Variants in CADPS observed in about 807,000 individuals in gnomAD.
CADPS encodes calcium dependent secretion activator.
A neutral mutation model predicts 167.3 loss-of-function variants in CADPS; 57 were observed. The ratio of observed to expected loss-of-function variants is 0.34; its 90% CI spans 0.28 to 0.42. The LOEUF (loss-of-function observed/expected upper bound fraction) is 0.42. Ranked by LOEUF, CADPS falls within the 20% of genes least tolerant of loss-of-function variation. The probability of loss-of-function intolerance (pLI) is 1.00; values close to 1 mark genes in which losing one functional copy is unlikely to be tolerated. For synonymous variants in CADPS, 676 were observed against 635.3 expected, an observed-to-expected ratio of 1.06 and a Z score of -0.96; for missense variants, 1,414 against 1,738.1, an observed-to-expected ratio of 0.81 and a Z score of 3.32.
rs1553808893 is a variant in CADPS, at chr3:62,874,806, G to C, written c.224C>G (p.Ala75Gly). 1 of 1,160,044 alleles carries C rather than the reference G, an allele frequency of 8.6e-7. No homozygotes were observed. The highest frequency in any genetic ancestry group is 1.1e-6 in the Non-Finnish European group (1 of 915,768). The allele number at this position is 1,160,044 out of a possible 1,614,324, so 71.9% of individuals were successfully genotyped here. Reference sequence around the variant, plus strand: ...GCGGCTGCTGGGTTGCAGCCCCCCGGCCCCGCCGCCGCTGCTCGCGCCGCT... The same window carrying C: ...GCGGCTGCTGGGTTGCAGCCCCCCGCCCCCGCCGCCGCTGCTCGCGCCGCT... ...GGSGASSGGG[A>G]GGLQPSSRAG... Residue 75 changes from alanine (A) to glycine (G), a missense_variant, in exon 1 of 30, where the codon GCC becomes GGC. Physicochemically the swap from Ala to Gly is moderately conservative, Grantham distance 60 (BLOSUM62 0). This residue lies in a region of CADPS where 522 missense variants were observed against 559.5 expected (regional missense o/e 0.93). Coordinates refer to ENST00000383710, the MANE Select transcript of CADPS (RefSeq NM_003716.4). This position sits in a 1 kb window ranked among gnomAD's most constrained non-coding sequence, Gnocchi z 7.1.
intron 3 of CADPS, among the ~76,000 whole-genome samples, chr3:62,719,648 T>C (rs565503027): frequency 1.3e-5 from 2 of 152,248 alleles, no homozygotes. Context: ...AATTGGGTAA[T>C]CTGCAAATAA....
In CADPS at chr3:62,412,161, T is replaced by TTC. The variant is rs1331414840; in HGVS notation, c.3778-8977_3778-8976insGA. ...TGAGGGTAGGATTTTTTTTTTTTTT[T>TTC]TTTAACGTCCGTAATTCTTTGGATA... On this transcript the variant is annotated intron_variant, in intron 28 of 29. Coordinates refer to ENST00000383710, the MANE Select transcript of CADPS (RefSeq NM_003716.4). This position sits in a 1 kb window ranked among gnomAD's most constrained non-coding sequence, Gnocchi z 4.1. Among the ~76,000 whole-genome samples, 2 of 151,662 alleles carry TTC rather than the reference T, an allele frequency of 1.3e-5. No homozygotes were observed. The highest frequency in any genetic ancestry group is 2.9e-5 in the Non-Finnish European group (2 of 67,908).
intron 28 of CADPS, among the ~76,000 whole-genome samples, chr3:62,415,272 C>A (rs1017893495): frequency 6.6e-6 from 1 of 152,084 alleles, no homozygotes; most frequent in East Asian, 1.9e-4. Flanking sequence ...CTCGGTTGCT[C>A]GGTGGCTGGG....
chr3:62,688,020 T>A (rs557408574), intron 3 of CADPS, among the ~76,000 whole-genome samples: 2 of 152,118 alleles, frequency 1.3e-5, no homozygotes, highest in Non-Finnish European at 2.9e-5. Context: ...TGTGCTTTGC[T>A]AGGTGCTCAA....
intron 1 of CADPS, among the ~76,000 whole-genome samples, chr3:62,843,496 T>G (rs2076934256): frequency 8.0e-6 from 1 of 125,620 alleles, no homozygotes; most frequent in Non-Finnish European, 1.7e-5. Context: ...AGTTGGGGTG[T>G]GTGTGTGTGT....
chr3:62,860,415 T>C (rs1419122144), intron 1 of CADPS, among the ~76,000 whole-genome samples: 1 of 152,134 alleles, frequency 6.6e-6, no homozygotes, highest in African/African-American at 2.4e-5. Flanking sequence ...CTGCAGGAGA[T>C]TGGTTCTAGG....
chr3:62,532,663 C>A (rs2073938590), intron 13 of CADPS, among the ~76,000 whole-genome samples: 1 of 151,966 alleles, frequency 6.6e-6, no homozygotes, highest in African/African-American at 2.4e-5. Flanking sequence ...GCCCTAGAAG[C>A]CCTGCTTGCC....
intron 6 of CADPS, among the ~76,000 whole-genome samples, chr3:62,628,854 T>A (rs2064679740): frequency 1.3e-5 from 2 of 152,168 alleles, no homozygotes; most frequent in South Asian, 4.1e-4. Context: ...CTTGATCTCT[T>A]GACCTCGTGA....
chr3:62,487,761 C>T (rs974556765), intron 21 of CADPS, among the ~76,000 whole-genome samples: 4 of 152,078 alleles, frequency 2.6e-5, no homozygotes, highest in Non-Finnish European at 5.9e-5. Context: ...TCTTAAATAA[C>T]CTTAATTGTA....
chr3:62,708,084 C>T (rs1223744159), intron 3 of CADPS, among the ~76,000 whole-genome samples: 1 of 151,950 alleles, frequency 6.6e-6, no homozygotes, highest in Non-Finnish European at 1.5e-5. Context: ...AACACCATGG[C>T]CAGCTAATTT....
intron 3 of CADPS, among the ~76,000 whole-genome samples, chr3:62,727,604 C>T (rs1472854280): frequency 2.0e-5 from 3 of 151,772 alleles, no homozygotes; most frequent in South Asian, 4.1e-4. Context: ...GAGGCACCTG[C>T]GGAGATGTAG....
intron 1 of CADPS, among the ~76,000 whole-genome samples, chr3:62,868,170 A>G (rs2082042442): frequency 6.6e-6 from 1 of 152,098 alleles, no homozygotes; most frequent in Admixed American, 6.6e-5. Flanking sequence ...AAACTATAAA[A>G]CAAGAAAAGT....
rs1406460592 is a variant in CADPS at position 62,499,243 on chromosome 3, A to C, written c.2625T>G (p.Pro875=). Residue 875 remains proline (P), a synonymous_variant, in exon 18 of 30, where the codon CCT becomes CCG. Transcript: ENST00000383710. The stretch of plus-strand genomic sequence containing the variant: ...GTATTGTATCTTCAAGCTTTTTGGC[A>C]GGAGTGATTAACCGGCCTACATTTT... ...DAENVGRLIT[P]AKKLEDTIRL... The C allele has an allele frequency of 6.2e-7, 1 of 1,613,190 alleles. No individual in the cohort carries two copies. Among genetic ancestry groups the C allele is most frequent in the East Asian group, 2.2e-5 (1 of 44,864 alleles).
intron 1 of CADPS, among the ~76,000 whole-genome samples, chr3:62,794,803 A>C (rs2093276087): frequency 7.6e-6 from 1 of 132,116 alleles, no homozygotes. Context: ...AAAAAAAAAA[A>C]TGCAAGAGCT....
chr3:62,693,596 A>C (rs2079624173), intron 3 of CADPS, among the ~76,000 whole-genome samples: 1 of 151,954 alleles, frequency 6.6e-6, no homozygotes, highest in Admixed American at 6.6e-5. Flanking sequence ...AACCTGGGCA[A>C]TATGGTGAAA....
chr3:62,708,664 A>G (rs917590042), intron 3 of CADPS, among the ~76,000 whole-genome samples: 2 of 152,048 alleles, frequency 1.3e-5, no homozygotes, highest in African/African-American at 4.8e-5. Context: ...GGAGAATCCT[A>G]TCTCCTTCCC....
chr3:62,867,133 T>G (rs551042489), intron 1 of CADPS, among the ~76,000 whole-genome samples: 1 of 152,092 alleles, frequency 6.6e-6, no homozygotes, highest in Non-Finnish European at 1.5e-5. Flanking sequence ...ATGGTAATAG[T>G]CAATATCATA....
rs145744350 is a variant in CADPS at position 62,514,237 on chromosome 3, C to T, written c.2582-1469G>A. 1.3e-5 allele frequency among the ~76,000 whole-genome samples: 2 copies of T among 152,186 alleles called. No homozygotes were observed. The highest frequency in any genetic ancestry group is 4.8e-5 in the African/African-American group (2 of 41,560). On this transcript the variant is annotated intron_variant, in intron 16 of 29. Coordinates refer to ENST00000383710, the MANE Select transcript of CADPS (RefSeq NM_003716.4). This position sits in a 1 kb window ranked among gnomAD's most constrained non-coding sequence, Gnocchi z 4.2. Reference sequence around the variant, plus strand: ...TTGTCTGGTAGTAATATCTTTCAGGCTGCAATGTCTCAGCCTATGGTGGAC... The same window carrying T: ...TTGTCTGGTAGTAATATCTTTCAGGTTGCAATGTCTCAGCCTATGGTGGAC...
intron 12 of CADPS, among the ~76,000 whole-genome samples, chr3:62,533,828 T>C (rs192239927): frequency 1.8e-4 from 28 of 152,352 alleles, no homozygotes; most frequent in Non-Finnish European, 4.0e-4. Flanking sequence ...GTGAATCAGA[T>C]GTAATTCCAT....
Sources: gnomAD v4.1 joint callset for allele counts (sites outside exome capture counted in the v4.1 genomes callset) on GRCh38, gnomAD v4.1.1 for gene constraint, gnomAD v4.1.1 regional missense constraint, Gnocchi (gnomAD v3.1) non-coding constraint, MANE v1.5 for transcripts, NCBI Gene and HGNC (gene_info 2026-07-23, HGNC 2026-07-21) for gene names.